BAZ1A: variants seen among roughly 807,000 people sequenced by gnomAD.
The protein encoded by BAZ1A is bromodomain adjacent to zinc finger domain protein 1A.
A neutral mutation model predicts 185.2 loss-of-function variants in BAZ1A; 50 were observed. The ratio of observed to expected loss-of-function variants is 0.27; its 90% CI spans 0.22 to 0.34. The LOEUF is 0.34. Among genes scored for constraint, BAZ1A ranks in the 10% least tolerant of loss-of-function variants. BAZ1A has a pLI of 1.00. For synonymous variants in BAZ1A, 571 were observed against 615.6 expected (o/e 0.93, Z 1.07); for missense variants, 1,356 against 1,839.9 (o/e 0.74, Z 4.81).
At position 34,862,098 on chromosome 14, in the gene BAZ1A, T is replaced by C. The variant is rs969429645; in HGVS notation, c.338A>G (p.Lys113Arg). The change falls in exon 3 of 27, where the codon AAG (lysine) becomes AGG (arginine). Residue 113 changes from lysine (K) to arginine (R), a missense_variant. Physicochemically the swap from Lys to Arg is conservative, Grantham distance 26. Transcript: ENST00000360310. Reference sequence around the variant, plus strand: ...AGTTTCTTCGACAAAATATCGATCCTTGACATATGCAAAGATATCATCACA... The same window carrying C: ...AGTTTCTTCGACAAAATATCGATCCCTGACATATGCAAAGATATCATCACA... ...EICDDIFAYV[K>R]DRYFVEETVE... 5 of 1,614,110 alleles carry C rather than the reference T, an allele frequency of 3.1e-6. No individual in the cohort carries two copies. Among genetic ancestry groups the C allele is most frequent in the African/African-American group, 2.7e-5 (2 of 74,930 alleles).
At chr14:34,822,679 T>G (rs1188380175) in intron 4 of BAZ1A, among the ~76,000 whole-genome samples, 1 of 152,186 alleles carries the variant, frequency 6.6e-6, no homozygotes, top group Admixed American at 6.5e-5. Flanking sequence ...ATCAAGGGTC[T>G]ATTCCAAGTA....
At position 34,874,527 on chromosome 14, in the gene BAZ1A, G is replaced by A; in HGVS notation, c.78C>T (p.Tyr26=). ...GGAAGATCTCGTTGGTGACTTTACA[G>A]TAGAAAACTTCCTCGTCGGGCCGCA... ...ADLRPDEEVF[Y]CKVTNEIFRH... is the part of the protein sequence containing the mutation. The change falls in exon 2 of 27, where the codon TAC becomes TAT. Residue 26 remains tyrosine, a synonymous_variant. Transcript: ENST00000360310. This position sits in a 1 kb window ranked among gnomAD's most constrained non-coding sequence, Gnocchi z 4.7. The A allele has an allele frequency of 4.3e-6, 7 of 1,612,194 alleles. No homozygotes were observed. Among genetic ancestry groups the A allele is most frequent in the Non-Finnish European group, 5.9e-6 (7 of 1,179,166 alleles).
At chr14:34,818,620 A>G (rs984887958) in intron 4 of BAZ1A, among the ~76,000 whole-genome samples, 1 of 152,212 alleles carries the variant, frequency 6.6e-6, no homozygotes, top group Non-Finnish European at 1.5e-5. Context: ...CATTAAAGAA[A>G]AAAAATTCCA....
chr14:34,773,790 A>G lies in BAZ1A; in HGVS notation c.2998-64T>C, dbSNP rs1176548240. The G allele has an allele frequency of 2.1e-6, 3 of 1,441,560 alleles. No individual in the cohort carries two copies. The African/African-American group carries it at 4.2e-5, about 20-fold the overall frequency. The allele number at this position is 1,441,560 out of a possible 1,614,324, so 89.3% of individuals were successfully genotyped here. A position where few individuals can be genotyped will look rare whatever the true frequency, so the allele number is the denominator to read the frequency against. On this transcript the variant is annotated intron_variant, in intron 19 of 26. Coordinates refer to ENST00000360310, the MANE Select transcript of BAZ1A (RefSeq NM_013448.3). ...AATATATTGTTTCTGAGAGGTATGAAGTTCAATATGCATATAAAATCAATT... is the reference window on the plus strand; with the variant it reads ...AATATATTGTTTCTGAGAGGTATGAGGTTCAATATGCATATAAAATCAATT...
intron 17 of BAZ1A, 27 bp from the exon 18 acceptor site, chr14:34,776,542 A>G (rs17102726): frequency 0.24 from 372,535 of 1,522,492 alleles, 47,556 homozygotes; most frequent in Non-Finnish European, 0.26. Flanking sequence ...ATGTTTCATC[A>G]TCATCATATT....
chr14:34,765,354 G>A (rs780108216), intron 21 of BAZ1A, 86 bp from the exon 22 acceptor site: 45 of 1,473,458 alleles, frequency 3.1e-5, no homozygotes, highest in Admixed American at 1.1e-4. Flanking sequence ...TTTAAATATA[G>A]GTTAGATTTT....
At chr14:34,832,191 T>TATACACACACACAC (rs1555343240) in intron 3 of BAZ1A, among the ~76,000 whole-genome samples, 9 of 96,580 alleles carry the variant, frequency 9.3e-5, no homozygotes, top group South Asian at 8.1e-4. Flanking sequence ...TATATACATA[T>TATACACACACACAC]ACACACACAC....
chr14:34,815,533 T>G (rs1424172533), intron 4 of BAZ1A, among the ~76,000 whole-genome samples: 1 of 152,166 alleles, frequency 6.6e-6, no homozygotes, highest in Non-Finnish European at 1.5e-5. Context: ...CAAGCAAACA[T>G]CAAATATTGT....
intron 3 of BAZ1A, among the ~76,000 whole-genome samples, chr14:34,846,942 T>C (rs552972047): frequency 6.4e-4 from 98 of 152,300 alleles, no homozygotes; most frequent in Non-Finnish European, 1.2e-3. Context: ...CAAATAACAA[T>C]TTTAAGAAAT....
chr14:34,832,409 G>T (rs77690078), intron 3 of BAZ1A, among the ~76,000 whole-genome samples: 1 of 147,888 alleles, frequency 6.8e-6, no homozygotes, highest in African/African-American at 2.5e-5. Context: ...TGATACCCAG[G>T]CAGACAAAGA....
chr14:34,823,137 T>C (rs1434685733), intron 4 of BAZ1A, among the ~76,000 whole-genome samples: 1 of 152,068 alleles, frequency 6.6e-6, no homozygotes, highest in Non-Finnish European at 1.5e-5. Flanking sequence ...GTAGATCAAC[T>C]GAGGTCAGGA....
intron 3 of BAZ1A, among the ~76,000 whole-genome samples, chr14:34,834,745 C>T (rs1178338608): frequency 6.6e-6 from 1 of 152,106 alleles, no homozygotes; most frequent in East Asian, 1.9e-4. Flanking sequence ...GAGACTTAGT[C>T]TATGTCTTTC....
chr14:34,770,514 A>G (rs544975291), intron 21 of BAZ1A, among the ~76,000 whole-genome samples: 1 of 152,362 alleles, frequency 6.6e-6, no homozygotes, highest in Non-Finnish European at 1.5e-5. Flanking sequence ...GACCAAAAAG[A>G]TATGGTTTAA....
intron 21 of BAZ1A, among the ~76,000 whole-genome samples, chr14:34,766,766 TTC>T (rs1312493687): frequency 3.9e-5 from 6 of 152,206 alleles, no homozygotes; most frequent in South Asian, 2.1e-4. Context: ...TCTTTGCAAA[TTC>T]TCTCTGAAAA....
chr14:34,858,713 A>C (rs2042722950), intron 3 of BAZ1A, among the ~76,000 whole-genome samples: 1 of 151,898 alleles, frequency 6.6e-6, no homozygotes, highest in African/African-American at 2.4e-5. Context: ...AAATAATTAA[A>C]AGTTGGGGCG....
chr14:34,816,129 C>T (rs1221906841), intron 4 of BAZ1A, among the ~76,000 whole-genome samples: 1 of 143,248 alleles, frequency 7.0e-6, no homozygotes, highest in African/African-American at 2.6e-5. Context: ...GCTCTGTCAC[C>T]CAGGCTGGAG....
At chr14:34,782,092 TTTAA>T (rs1354824572) in intron 16 of BAZ1A, among the ~76,000 whole-genome samples, 7 of 152,152 alleles carry the variant, frequency 4.6e-5, no homozygotes, top group African/African-American at 1.4e-4. Context: ...TAACAAATGG[TTTAA>T]TTGTCGGGTC....
intron 3 of BAZ1A, among the ~76,000 whole-genome samples, chr14:34,831,433 A>C (rs1246792976): frequency 1.3e-5 from 2 of 152,222 alleles, no homozygotes; most frequent in Non-Finnish European, 2.9e-5. Flanking sequence ...ATATCCTGCT[A>C]CATGGAGGAG....
chr14:34,814,258 T>C lies in BAZ1A; in HGVS notation c.537-3222A>G, dbSNP rs901906814. On this transcript the variant is annotated intron_variant, in intron 4 of 26. Coordinates refer to ENST00000360310, the MANE Select transcript of BAZ1A (RefSeq NM_013448.3). ...TACCAGTGGCTATATCTAATTATGT[T>C]ATAAATTTATATTTTACTATGCATT... 3.0e-5 allele frequency among the ~76,000 whole-genome samples: 4 copies of C among 131,192 alleles called. No individual in the cohort carries two copies. In the South Asian group the frequency reaches 9.8e-4, roughly 32 times the overall value. The allele number at this position is 131,192 out of a possible 152,430, so 86.1% of individuals were successfully genotyped here. A position where few individuals can be genotyped will look rare whatever the true frequency, so the allele number is the denominator to read the frequency against.
Sources: allele counts gnomAD v4.1 joint callset (sites outside exome capture counted in the v4.1 genomes callset), GRCh38; gene constraint gnomAD v4.1.1; non-coding constraint Gnocchi (gnomAD v3.1); transcripts MANE v1.5; gene names NCBI Gene and HGNC (gene_info 2026-07-23, HGNC 2026-07-21).